Variants in LRP4 observed in about 807,000 individuals in gnomAD.
The protein encoded by LRP4 is LDL receptor related protein 4, also known as low-density lipoprotein receptor-related protein 4.
A neutral mutation model predicts 220.3 loss-of-function variants in LRP4; 95 were observed. The observed-to-expected ratio is 0.43, with a 90% confidence interval of 0.37 to 0.51. The LOEUF (loss-of-function observed/expected upper bound fraction) is 0.51. Ranked by LOEUF, LRP4 falls within the 20% of genes least tolerant of loss-of-function variation. LRP4 has a pLI of 0.00. For synonymous variants in LRP4, 903 were observed against 954.6 expected, an observed-to-expected ratio of 0.95 and a Z score of 1.00; for missense variants, 1,925 against 2,567.0, an observed-to-expected ratio of 0.75 and a Z score of 5.40.
rs1303927368 is a variant in LRP4, at chr11:46,899,301, A to C, written c.547+86T>G. 8 of 1,129,568 alleles carry C rather than the reference A, an allele frequency of 7.1e-6. No individual in the cohort carries two copies. In the Admixed American group the frequency reaches 1.3e-4, roughly 19 times the overall value. The allele number at this position is 1,129,568 out of a possible 1,614,324, so 70.0% of individuals were successfully genotyped here. On this transcript the variant is annotated intron_variant, in intron 5 of 37. Coordinates refer to ENST00000378623, the MANE Select transcript of LRP4 (RefSeq NM_002334.4). This position sits in a 1 kb window ranked among gnomAD's most constrained non-coding sequence, Gnocchi z 5.9. ...CACCCATGCTCCTTGCCCTTGGTAC[A>C]TGCACTCCTCAGCCTCGCCCTTAGC...
Position 46,895,944 on chromosome 11 carries a change from C to T in LRP4, c.1123G>A (p.Ala375Thr), listed in dbSNP as rs1006276270. 1 of 1,613,842 alleles carries T rather than the reference C, an allele frequency of 6.2e-7. No individual in the cohort carries two copies. Among genetic ancestry groups the T allele is most frequent in the South Asian group, 1.1e-5 (1 of 91,082 alleles). The change falls in exon 10 of 38, where the codon GCA (alanine) becomes ACA (threonine). Residue 375 changes from alanine (A) to threonine (T), a missense_variant. Coordinates refer to ENST00000378623, the MANE Select transcript of LRP4 (RefSeq NM_002334.4). ...CCTGTGTGGCAGGTACACTGCACTGCCCCCCGCACCATCTGGCACTTCTGG... is the reference window on the plus strand; with the variant it reads ...CCTGTGTGGCAGGTACACTGCACTGTCCCCCGCACCATCTGGCACTTCTGG... Reference protein sequence around the residue: ...CAQKCQMVRGAVQCTCHTGYR... With the variant: ...CAQKCQMVRGTVQCTCHTGYR...
rs1233561496 is a variant in LRP4, at chr11:46,875,851, C to T, written c.3652G>A (p.Val1218Met). 2 of 1,614,018 alleles carry T rather than the reference C, an allele frequency of 1.2e-6. No individual in the cohort carries two copies. The highest frequency in any genetic ancestry group is 2.2e-5 in the East Asian group (1 of 44,884). The change falls in exon 26 of 38, where the codon GTG becomes ATG. Residue 1218 changes from valine to methionine, a missense_variant. Physicochemically the swap from Val to Met is conservative, Grantham distance 21. Around this residue, in one of 3 missense-constraint regions of LRP4, gnomAD observed 1,244 missense variants for 1,624.9 expected, o/e 0.77. Coordinates refer to ENST00000378623, the MANE Select transcript of LRP4 (RefSeq NM_002334.4). This position sits in a 1 kb window ranked among gnomAD's most constrained non-coding sequence, Gnocchi z 4.5. The stretch of plus-strand genomic sequence containing the variant: ...AGCAGTTGGGAGCTGGCCTTGTCCA[C>T]AGTCAGTCCATTGGGCCATCCTAGG... ...NNLGWPNGLT[V>M]DKASSQLLWA...
intron 16 of LRP4, among the ~76,000 whole-genome samples, chr11:46,888,573 A>AAAAAAAAAAAAAAAAC: frequency 6.7e-6 from 1 of 150,104 alleles, no homozygotes; most frequent in South Asian, 2.1e-4. Flanking sequence ...AAAAAAAAAA[A>AAAAAAAAAAAAAAAAC]GAATGCAAGG....
Position 46,896,304 on chromosome 11 carries a change from C to T in LRP4, c.954G>A (p.Leu318=). ...GCCCAATGCAGCGCCCATTCCAACA[C>T]AGGAACTGGTCCAAGGCACATTGGG... ...GSPQCALDQF[L]CWNGRCIGQR... is the part of the protein sequence containing the mutation. Residue 318 remains leucine, a synonymous_variant, in exon 9 of 38, where the codon CTG becomes CTA. Coordinates refer to ENST00000378623, the MANE Select transcript of LRP4 (RefSeq NM_002334.4). The T allele has an allele frequency of 6.2e-7, 1 of 1,614,152 alleles. No individual in the cohort carries two copies. Among genetic ancestry groups the T allele is most frequent in the Non-Finnish European group, 8.5e-7 (1 of 1,180,050 alleles).
At chr11:46,889,197 G>A (rs1051140429) in intron 16 of LRP4, among the ~76,000 whole-genome samples, 15 of 152,164 alleles carry the variant, frequency 9.9e-5, no homozygotes, top group Admixed American at 5.9e-4. Context: ...ACACTCGACC[G>A]GGCGGTATTG....
At position 46,918,250 on chromosome 11, in the gene LRP4, C is replaced by T. The variant is rs1941983252; in HGVS notation, c.52+78G>A. 6.2e-6 allele frequency: 9 copies of T among 1,444,562 alleles called. No homozygotes were observed. The highest frequency in any genetic ancestry group is 7.4e-6 in the Non-Finnish European group (8 of 1,078,770). The allele number at this position is 1,444,562 out of a possible 1,614,324, so 89.5% of individuals were successfully genotyped here. A position where few individuals can be genotyped will look rare whatever the true frequency, so the allele number is the denominator to read the frequency against. ...GGGCGAGGGGTCTCAGGCCCCGGCC[C>T]GCGCCGTCCAGGTCCCGGGAGGCGA... On this transcript the variant is annotated intron_variant, in intron 1 of 37. Coordinates refer to ENST00000378623, the MANE Select transcript of LRP4 (RefSeq NM_002334.4). This position sits in a 1 kb window ranked among gnomAD's most constrained non-coding sequence, Gnocchi z 6.0.
intron 2 of LRP4, among the ~76,000 whole-genome samples, chr11:46,901,129 T>A (rs1468426121): frequency 1.3e-5 from 2 of 152,116 alleles, no homozygotes; most frequent in Non-Finnish European, 2.9e-5. Context: ...CCTTACTGAC[T>A]CCTAGGCCCA....
rs148910063 is a variant in LRP4 at position 46,883,968 on chromosome 11, G to A, written c.2515C>T (p.Arg839Trp). 52 of 1,612,490 alleles carry A rather than the reference G, an allele frequency of 3.2e-5. No homozygotes were observed. Among genetic ancestry groups the A allele is most frequent in the African/African-American group, 9.4e-5 (7 of 74,860 alleles). The change falls in exon 19 of 38, where the codon CGG (arginine) becomes TGG (tryptophan). Residue 839 changes from arginine (R) to tryptophan (W), a missense_variant. Coordinates refer to ENST00000378623, the MANE Select transcript of LRP4 (RefSeq NM_002334.4). ...CCATCTGTGTTGGCTACTTCAATCC[G>A]GTCTGTACCTATCAAGAAGGGATAC... The part of the protein sequence containing the change: ...KLYWTDAGTD[R>W]IEVANTDGSM...
chr11:46,879,227 A>T lies in LRP4; in HGVS notation c.2903T>A (p.Ile968Lys). ...IYWTDWQTKS[I>K]QSADRLTGLD... ...CCCTGTCAGCCGGTCAGCGCTCTGT[A>T]TGCTCTTGGTCTGCCAGTCAGTCCA... is the stretch of plus-strand genomic sequence containing the variant. Residue 968 changes from isoleucine (I) to lysine (K), a missense_variant, in exon 21 of 38, where the codon ATA (isoleucine) becomes AAA (lysine). Coordinates refer to ENST00000378623, the MANE Select transcript of LRP4 (RefSeq NM_002334.4). 6.2e-7 allele frequency: 1 copy of T among 1,614,214 alleles called. No individual in the cohort carries two copies.
rs754708237 is a variant in LRP4 at position 46,883,913 on chromosome 11, T to G, written c.2570A>C (p.Asn857Thr). The stretch of plus-strand genomic sequence containing the variant: ...CACGATGTCCCGAGGACGATCAAGG[T>G]TCTCCCAGATGAGTACTGTTCTCAT... ...GSMRTVLIWE[N>T]LDRPRDIVVE... Residue 857 changes from asparagine to threonine, a missense_variant, in exon 19 of 38, where the codon AAC (asparagine) becomes ACC (threonine). Asn to Thr is a moderately conservative substitution (Grantham distance 65, BLOSUM62 0). This residue lies in a region of LRP4 where 1,244 missense variants were observed against 1,624.9 expected (regional missense o/e 0.77). Transcript: ENST00000378623. The G allele has an allele frequency of 6.2e-6, 10 of 1,614,194 alleles. No homozygotes were observed. Among genetic ancestry groups the G allele is most frequent in the Non-Finnish European group, 8.5e-6 (10 of 1,180,028 alleles).
intron 33 of LRP4, 71 bp from the exon 34 acceptor site, chr11:46,868,185 C>A: frequency 6.3e-7 from 1 of 1,597,110 alleles, no homozygotes; most frequent in Non-Finnish European, 8.6e-7. Flanking sequence ...AGAGTAGCAG[C>A]TGGAGAACTT....
chr11:46,884,061 C>T (rs1042462072), intron 18 of LRP4, 85 bp from the exon 19 acceptor site: 26 of 1,051,430 alleles, frequency 2.5e-5, no homozygotes, highest in South Asian at 3.8e-5. Context: ...GCCTGGTATG[C>T]GCCAGCAGAG....
chr11:46,898,426 T>G, intron 7 of LRP4, 132 bp downstream of exon 7: 1 of 1,232,510 alleles, frequency 8.1e-7, no homozygotes. Flanking sequence ...CCTCAAGCAA[T>G]CCACCCACCT....
chr11:46,896,914 C>A lies in LRP4; in HGVS notation c.877G>T (p.Asp293Tyr). The part of the protein sequence containing the change: ...VRLSWRCDGE[D>Y]DCADNSDEEN... ...TCATCGCTGTTGTCTGCACAGTCGTCCTCCCCATCACAGCGCCAGGACAGG... is the reference window on the plus strand; with the variant it reads ...TCATCGCTGTTGTCTGCACAGTCGTACTCCCCATCACAGCGCCAGGACAGG... The change falls in exon 8 of 38, where the codon GAC becomes TAC. Residue 293 changes from aspartate to tyrosine, a missense_variant. Asp to Tyr is a radical substitution (Grantham distance 160, BLOSUM62 -3). Transcript: ENST00000378623. 6.2e-7 allele frequency: 1 copy of A among 1,614,262 alleles called. No homozygotes were observed. Among genetic ancestry groups the A allele is most frequent in the Non-Finnish European group, 8.5e-7 (1 of 1,180,048 alleles).
intron 34 of LRP4, 26 bp downstream of exon 34, chr11:46,867,953 C>T (rs772285688): frequency 6.2e-7 from 1 of 1,614,050 alleles, no homozygotes; most frequent in Non-Finnish European, 8.5e-7. Flanking sequence ...TCAAAGGGCC[C>T]ATGATCCTGC....
intron 13 of LRP4, among the ~76,000 whole-genome samples, chr11:46,891,450 CACACACACACACACAG>C (rs1168346595): frequency 6.7e-6 from 1 of 150,004 alleles, no homozygotes; most frequent in Non-Finnish European, 1.5e-5. Context: ...CACACACACA[CACACACACACACACAG>C]ACACACACAC....
In LRP4 at chr11:46,858,945, G is replaced by A; in HGVS notation, c.*38C>T. The A allele has an allele frequency of 1.3e-6, 2 of 1,593,040 alleles. No individual in the cohort carries two copies. Among genetic ancestry groups the A allele is most frequent in the Non-Finnish European group, 1.7e-6 (2 of 1,162,044 alleles). On this transcript the variant is annotated 3_prime_UTR_variant, in exon 38 of 38. Coordinates refer to ENST00000378623, the MANE Select transcript of LRP4 (RefSeq NM_002334.4). ...GCACAAGGACTAGACGTCCATAAAG[G>A]AGAAGGAACAGGCAGGCAGGGAAGA...
At chr11:46,917,001 A>T (rs922354643) in intron 1 of LRP4, among the ~76,000 whole-genome samples, 3 of 152,230 alleles carry the variant, frequency 2.0e-5, no homozygotes, top group African/African-American at 7.2e-5. Context: ...CGCTCTTCGG[A>T]GAGAAAGAGC....
chr11:46,884,262 T>C (rs1941229752), intron 18 of LRP4, among the ~76,000 whole-genome samples: 1 of 152,194 alleles, frequency 6.6e-6, no homozygotes, highest in South Asian at 2.1e-4. Flanking sequence ...CAGGAGAGCT[T>C]GTTAAAACAC....
Sources: gnomAD v4.1 joint callset for allele counts (sites outside exome capture counted in the v4.1 genomes callset) on GRCh38, gnomAD v4.1.1 for gene constraint, gnomAD v4.1.1 regional missense constraint, Gnocchi (gnomAD v3.1) non-coding constraint, MANE v1.5 for transcripts, NCBI Gene and HGNC (gene_info 2026-07-23, HGNC 2026-07-21) for gene names.